The following NUDT19 variants were observed in gnomAD, a reference collection of about 807,000 sequenced individuals.
NUDT19 encodes the protein nudix hydrolase 19.
NUDT19 carries 31 observed loss-of-function variants against 22.2 expected under a neutral mutation model. The ratio of observed to expected loss-of-function variants is 1.40; its 90% CI spans 1.05 to 1.89. NUDT19 has a LOEUF of 1.89. NUDT19 is among the 40% of genes most tolerant of loss of function. NUDT19 has a pLI of 0.00. For missense variants in NUDT19, 752 were observed against 514.2 expected (o/e 1.46, Z -4.47); for synonymous variants, 325 against 230.8 (o/e 1.41, Z -3.70).
chr19:32,691,991 C>T lies in NUDT19; in HGVS notation c.31C>T (p.Arg11Cys). MSSSLRPGPS[R>C]WRRAASIVLA... ...CAGCTCCCTGCGGCCGGGCCCCAGC[C>T]GCTGGCGGCGGGCGGCCAGCATCGT... The change falls in exon 1 of 3, where the codon CGC (arginine) becomes TGC (cysteine). Residue 11 changes from arginine to cysteine, a missense_variant. Coordinates refer to ENST00000397061, the MANE Select transcript of NUDT19 (RefSeq NM_001105570.2). 8.1e-7 allele frequency: 1 copy of T among 1,235,528 alleles called. No homozygotes were observed. The highest frequency in any genetic ancestry group is 3.8e-5 in the South Asian group (1 of 26,202). The allele number at this position is 1,235,528 out of a possible 1,614,324, so 76.5% of individuals were successfully genotyped here.
chr19:32,705,343 G>A (rs1257723308), intron 1 of NUDT19, among the ~76,000 whole-genome samples: 1 of 150,584 alleles, frequency 6.6e-6, no homozygotes, highest in African/African-American at 2.4e-5. Context: ...AGAATCGCTT[G>A]AACCCAGGAG....
chr19:32,712,075 T>A lies in NUDT19; in HGVS notation c.*118T>A. ...GCCTATAAAAGTTACTGCAATTCAG[T>A]ATTTCTTTATTTTTTTCGAGACAGA... On this transcript the variant is annotated 3_prime_UTR_variant, in exon 3 of 3. Transcript: ENST00000397061. The A allele has an allele frequency of 2.7e-6, 2 of 727,486 alleles. No individual in the cohort carries two copies. Among genetic ancestry groups the A allele is most frequent in the Non-Finnish European group, 4.8e-6 (2 of 415,894 alleles). 45.1% of individuals were successfully genotyped at this position (727,486 alleles called of 1,614,324 possible).
intron 1 of NUDT19, among the ~76,000 whole-genome samples, chr19:32,700,788 C>T (rs1968326835): frequency 6.6e-6 from 1 of 152,050 alleles, no homozygotes; most frequent in African/African-American, 2.4e-5. Flanking sequence ...ATAATCTCAG[C>T]ATTTTGGGAG....
At chr19:32,692,722 G>A in intron 1 of NUDT19, 48 bp downstream of exon 1, 1 of 1,377,246 alleles carries the variant, frequency 7.3e-7, no homozygotes, top group Non-Finnish European at 9.5e-7. Context: ...ACGTGAGAGG[G>A]AGGACCCCTC....
intron 1 of NUDT19, among the ~76,000 whole-genome samples, chr19:32,693,311 G>GT (rs1968224570): frequency 6.6e-6 from 1 of 152,194 alleles, no homozygotes; most frequent in African/African-American, 2.4e-5. Flanking sequence ...GACCTTCGCA[G>GT]TGAGTGTTAC....
intron 1 of NUDT19, among the ~76,000 whole-genome samples, chr19:32,707,801 A>C (rs1968402591): frequency 6.6e-6 from 1 of 151,722 alleles, no homozygotes; most frequent in Admixed American, 6.6e-5. Context: ...ACACGGTGAA[A>C]CCCCGTCTCT....
At chr19:32,704,265 CTT>C (rs35045603) in intron 1 of NUDT19, among the ~76,000 whole-genome samples, 8 of 140,922 alleles carry the variant, frequency 5.7e-5, no homozygotes, top group Admixed American at 1.4e-4. Flanking sequence ...TTGCAGGTAA[CTT>C]TTTTTTTTTT....
chr19:32,699,988 C>T (rs1292239888), intron 1 of NUDT19, among the ~76,000 whole-genome samples: 2 of 151,790 alleles, frequency 1.3e-5, no homozygotes, highest in Non-Finnish European at 2.9e-5. Flanking sequence ...CTGGTGCGTT[C>T]CTGGTCTCGC....
At chr19:32,702,649 A>G (rs1286450843) in intron 1 of NUDT19, among the ~76,000 whole-genome samples, 1 of 152,192 alleles carries the variant, frequency 6.6e-6, no homozygotes, top group Non-Finnish European at 1.5e-5. Context: ...GGCAGCATAT[A>G]GTCTTGCTTT....
At chr19:32,699,970 T>C (rs574001353) in intron 1 of NUDT19, among the ~76,000 whole-genome samples, 4 of 152,306 alleles carry the variant, frequency 2.6e-5, no homozygotes, top group African/African-American at 9.6e-5. Flanking sequence ...TGGAGTTGTT[T>C]GTTCCTCCTG....
chr19:32,695,967 TA>T (rs1968259099), intron 1 of NUDT19, among the ~76,000 whole-genome samples: 1 of 152,256 alleles, frequency 6.6e-6, no homozygotes, highest in Non-Finnish European at 1.5e-5. Flanking sequence ...AACTGTGGCA[TA>T]ACCTGCCCTT....
chr19:32,692,729 C>T (rs1599794857), intron 1 of NUDT19, 55 bp downstream of exon 1: 5 of 1,345,070 alleles, frequency 3.7e-6, no homozygotes, highest in Admixed American at 3.2e-5. Flanking sequence ...AGGGAGGACC[C>T]CTCCCAGCGG....
At chr19:32,707,193 C>G (rs1599802090) in intron 1 of NUDT19, among the ~76,000 whole-genome samples, 1 of 152,200 alleles carries the variant, frequency 6.6e-6, no homozygotes, top group Non-Finnish European at 1.5e-5. Flanking sequence ...TGGGTTGATG[C>G]CTGCCATTTA....
At chr19:32,695,176 A>G (rs535828782) in intron 1 of NUDT19, among the ~76,000 whole-genome samples, 2 of 152,074 alleles carry the variant, frequency 1.3e-5, no homozygotes, top group Non-Finnish European at 2.9e-5. Flanking sequence ...TGTAGGTTTT[A>G]TTTTTCATTT....
chr19:32,707,380 T>C, intron 1 of NUDT19, among the ~76,000 whole-genome samples: 1 of 152,182 alleles, frequency 6.6e-6, no homozygotes, highest in East Asian at 1.9e-4. Flanking sequence ...ACCAGGGCCC[T>C]GGGAATGTGA....
chr19:32,706,077 T>G (rs1278773720), intron 1 of NUDT19, among the ~76,000 whole-genome samples: 1 of 152,166 alleles, frequency 6.6e-6, no homozygotes, highest in African/African-American at 2.4e-5. Context: ...ATGTATACAA[T>G]GGTGAATAAA....
Position 32,692,209 on chromosome 19 carries a change from C to G in NUDT19, c.249C>G (p.His83Gln). 6.3e-7 allele frequency: 1 copy of G among 1,581,038 alleles called. No homozygotes were observed. Among genetic ancestry groups the G allele is most frequent in the Non-Finnish European group, 8.5e-7 (1 of 1,172,704 alleles). ...ACTGGCTGGGCCTCTTCGCGCCGCA[C>G]CACGGGCCGCCGCGCTTCGGCCTGG... The part of the protein sequence containing the change: ...SADWLGLFAP[H>Q]HGPPRFGLGP... Residue 83 changes from histidine (H) to glutamine (Q), a missense_variant, in exon 1 of 3, where the codon CAC becomes CAG. His to Gln is a conservative substitution (Grantham distance 24). Coordinates refer to ENST00000397061, the MANE Select transcript of NUDT19 (RefSeq NM_001105570.2).
At chr19:32,695,062 G>A (rs1968247340) in intron 1 of NUDT19, among the ~76,000 whole-genome samples, 1 of 152,222 alleles carries the variant, frequency 6.6e-6, no homozygotes, top group Non-Finnish European at 1.5e-5. Context: ...AAGGCTACAG[G>A]TTGTCAGTGG....
chr19:32,699,000 G>T (rs1401354471), intron 1 of NUDT19, among the ~76,000 whole-genome samples: 1 of 152,140 alleles, frequency 6.6e-6, no homozygotes, highest in Non-Finnish European at 1.5e-5. Flanking sequence ...TATATGAATA[G>T]GAAGGATACA....
Sources: gnomAD v4.1 joint callset for allele counts (sites outside exome capture counted in the v4.1 genomes callset) on GRCh38, gnomAD v4.1.1 for gene constraint, MANE v1.5 for transcripts, NCBI Gene and HGNC (gene_info 2026-07-23, HGNC 2026-07-21) for gene names.